Variants in ZIC1 observed in about 807,000 individuals in gnomAD.
ZIC1 encodes zinc finger protein ZIC 1.
Under a neutral mutation model 30.9 loss-of-function variants are expected in ZIC1, and 4 were observed. That is an observed-to-expected ratio of 0.13 (90% CI 0.06 to 0.30). The LOEUF (loss-of-function observed/expected upper bound fraction) is 0.30. Ranked by LOEUF, ZIC1 falls within the 10% of genes least tolerant of loss-of-function variation. The probability of loss-of-function intolerance (pLI) is 1.00; values close to 1 mark genes in which losing one functional copy is unlikely to be tolerated. For missense variants in ZIC1, 441 were observed against 639.3 expected (o/e 0.69, Z 3.34); for synonymous variants, 305 against 277.5 (o/e 1.10, Z -0.98).
Position 147,415,990 on chromosome 3 carries a change from C to CAAT in ZIC1, c.*2444_*2446dup, listed in dbSNP as rs2087430725. On this transcript the variant is annotated 3_prime_UTR_variant, in exon 3 of 3. Transcript: ENST00000282928. Reference sequence around the variant, plus strand: ...TTAAAAAATGTTATTCTGATTATAACAATAATATTGGCTTTTTTCATGAAA... The same window carrying CAAT: ...TTAAAAAATGTTATTCTGATTATAACAATAATAATATTGGCTTTTTTCATGAAA... 6.6e-6 allele frequency: 1 copy of CAAT among 152,166 alleles called. No homozygotes were observed. 9.4% of individuals were successfully genotyped at this position (152,166 alleles called of 1,614,324 possible).
At position 147,414,817 on chromosome 3, in the gene ZIC1, A is replaced by C. The variant is rs919277680; in HGVS notation, c.*1266A>C. 3 of 152,626 alleles carry C rather than the reference A, an allele frequency of 2.0e-5. No individual in the cohort carries two copies. Among genetic ancestry groups the C allele is most frequent in the African/African-American group, 7.2e-5 (3 of 41,446 alleles). The allele number at this position is 152,626 out of a possible 1,614,324, so 9.5% of individuals were successfully genotyped here. On this transcript the variant is annotated 3_prime_UTR_variant, in exon 3 of 3. Transcript: ENST00000282928. ...TGACCTTTGCAGATGTAGAATAACA[A>C]CCATAAAAATAACAGGAATAGATTG...
Position 147,409,945 on chromosome 3 carries a change from A to G in ZIC1, c.-168A>G. On this transcript the variant is annotated 5_prime_UTR_variant, in exon 1 of 3. Transcript: ENST00000282928. ...GGCCAGCGCCCGGGCGCGCCGCGCC[A>G]TTGCCTGCAGGCTAGGACTTCGCGA... 2 of 709,912 alleles carry G rather than the reference A, an allele frequency of 2.8e-6. No individual in the cohort carries two copies. The highest frequency in any genetic ancestry group is 1.9e-5 in the African/African-American group (1 of 52,666). 44.0% of individuals were successfully genotyped at this position (709,912 alleles called of 1,614,324 possible). A position where few individuals can be genotyped will look rare whatever the true frequency, so the allele number is the denominator to read the frequency against.
intron 2 of ZIC1, 122 bp downstream of exon 2, chr3:147,412,803 T>G (rs1576470537): frequency 1.6e-6 from 2 of 1,259,858 alleles, no homozygotes; most frequent in Non-Finnish European, 2.2e-6. Context: ...AAGGCAAAGG[T>G]TCCACTCAGT....
At chr3:147,411,164 C>G in intron 1 of ZIC1, 70 bp downstream of exon 1, 1 of 1,535,596 alleles carries the variant, frequency 6.5e-7, no homozygotes, top group Non-Finnish European at 8.7e-7. Flanking sequence ...AAGTCAGCGG[C>G]CAGGTCGCAC....
rs1048143580 is a variant in ZIC1 at position 147,413,555 on chromosome 3, C to T, written c.*4C>T. ...TTTTAACGAATGGTACGTTTAAAAT[C>T]AGAAACAAAACATCGAACAAAACCC... On this transcript the variant is annotated 3_prime_UTR_variant, in exon 3 of 3. Transcript: ENST00000282928. 6.2e-7 allele frequency: 1 copy of T among 1,613,700 alleles called. No individual in the cohort carries two copies. Among genetic ancestry groups the T allele is most frequent in the African/African-American group, 1.3e-5 (1 of 74,884 alleles).
In ZIC1 at chr3:147,413,795, G is replaced by A. The variant is rs976514604; in HGVS notation, c.*244G>A. 7.6e-6 allele frequency: 3 copies of A among 392,212 alleles called. No homozygotes were observed. The highest frequency in any genetic ancestry group is 1.3e-5 in the Non-Finnish European group (3 of 231,958). The allele number at this position is 392,212 out of a possible 1,614,324, so 24.3% of individuals were successfully genotyped here. ...AGGCTTGGTACCCAAGGTGCGGTAG[G>A]GGGTCGAGGGGGAGGAGGCCACCTG... On this transcript the variant is annotated 3_prime_UTR_variant, in exon 3 of 3. Transcript: ENST00000282928.
At position 147,409,806 on chromosome 3, in the gene ZIC1, G is replaced by A. The variant is rs1333054013; in HGVS notation, c.-307G>A. The A allele has an allele frequency of 2.4e-6, 1 of 418,862 alleles. No individual in the cohort carries two copies. The highest frequency in any genetic ancestry group is 4.2e-6 in the Non-Finnish European group (1 of 236,016). The allele number at this position is 418,862 out of a possible 1,614,324, so 25.9% of individuals were successfully genotyped here. ...GGCAGCCTTGACGCGCGGCCCTCTC[G>A]GCAGAGACTGAGCGGCGAGAAAGTG... On this transcript the variant is annotated 5_prime_UTR_variant, in exon 1 of 3. Coordinates refer to ENST00000282928, the MANE Select transcript of ZIC1 (RefSeq NM_003412.4).
In ZIC1 at chr3:147,410,315, C is replaced by T; in HGVS notation, c.203C>T (p.Ala68Val). 1 of 1,599,396 alleles carries T rather than the reference C, an allele frequency of 6.3e-7. No homozygotes were observed. ...GGCCAGACGGCCTTCACGTCGCAGG[C>T]GCCAGGCTACGCGGCTGCTGCGGCC... ...SAGQTAFTSQ[A>V]PGYAAAAALG... is the part of the protein sequence containing the mutation. The change falls in exon 1 of 3, where the codon GCG becomes GTG. Residue 68 changes from alanine to valine, a missense_variant. Coordinates refer to ENST00000282928, the MANE Select transcript of ZIC1 (RefSeq NM_003412.4).
chr3:147,411,722 G>A (rs769702679), intron 1 of ZIC1, among the ~76,000 whole-genome samples: 4 of 152,056 alleles, frequency 2.6e-5, no homozygotes, highest in Non-Finnish European at 4.4e-5. Context: ...GTCCGAGGAA[G>A]GCAAGGAAGA....
At position 147,413,651 on chromosome 3, in the gene ZIC1, A is replaced by C; in HGVS notation, c.*100A>C. On this transcript the variant is annotated 3_prime_UTR_variant, in exon 3 of 3. Transcript: ENST00000282928. ...AACCCTGCGAATCAAAACAACCCCC[A>C]CACAGACCCCGCAATCCTTTTTTAA... The C allele has an allele frequency of 7.4e-7, 1 of 1,344,974 alleles. No individual in the cohort carries two copies. Among genetic ancestry groups the C allele is most frequent in the Non-Finnish European group, 1.0e-6 (1 of 993,420 alleles). The allele number at this position is 1,344,974 out of a possible 1,614,324, so 83.3% of individuals were successfully genotyped here.
rs1159508113 is a variant in ZIC1 at position 147,416,612 on chromosome 3, T to C, written c.*3061T>C. ...ATATTTCAAATATCTGTTTAGACTGTGAAGGCCAAATAATTTTTAAGAAAA... is the reference window on the plus strand; with the variant it reads ...ATATTTCAAATATCTGTTTAGACTGCGAAGGCCAAATAATTTTTAAGAAAA... On this transcript the variant is annotated 3_prime_UTR_variant, in exon 3 of 3. Coordinates refer to ENST00000282928, the MANE Select transcript of ZIC1 (RefSeq NM_003412.4). The C allele has an allele frequency of 1.3e-5, 2 of 152,204 alleles. No homozygotes were observed. The highest frequency in any genetic ancestry group is 4.8e-5 in the African/African-American group (2 of 41,448). 9.4% of individuals were successfully genotyped at this position (152,204 alleles called of 1,614,324 possible).
chr3:147,413,341 T>C lies in ZIC1; in HGVS notation c.1147-13T>C, dbSNP rs769560273. ...CTCTTTATGTCCGTAAAAACGCGAC[T>C]TTATTCCTGCAGGTCCACGAATCCT... is the stretch of plus-strand genomic sequence containing the variant. On this transcript the variant is annotated splice_polypyrimidine_tract_variant and intron_variant, in intron 2 of 2. Coordinates refer to ENST00000282928, the MANE Select transcript of ZIC1 (RefSeq NM_003412.4). 5 of 1,610,056 alleles carry C rather than the reference T, an allele frequency of 3.1e-6. No homozygotes were observed. Among genetic ancestry groups the C allele is most frequent in the Non-Finnish European group, 4.2e-6 (5 of 1,177,198 alleles).
rs746422251 is a variant in ZIC1, at chr3:147,410,102, G to C, written c.-11G>C. On this transcript the variant is annotated 5_prime_UTR_variant, in exon 1 of 3. Coordinates refer to ENST00000282928, the MANE Select transcript of ZIC1 (RefSeq NM_003412.4). ...GGCGGGGGAGGCCGGGGCTCGCCCC[G>C]AGCAGCCACGATGCTCCTGGACGCC... 5 of 1,497,806 alleles carry C rather than the reference G, an allele frequency of 3.3e-6. No individual in the cohort carries two copies. Among genetic ancestry groups the C allele is most frequent in the Non-Finnish European group, 4.4e-6 (5 of 1,133,922 alleles). 92.8% of individuals were successfully genotyped at this position (1,497,806 alleles called of 1,614,324 possible).
At position 147,411,447 on chromosome 3, in the gene ZIC1, C is replaced by T. The variant is rs576597057; in HGVS notation, c.982+353C>T. ...GCCGCGGAGGCGCCAGCTGCTCAGG[C>T]TGCAGACAAATCTAAACCCTTGCTT... On this transcript the variant is annotated intron_variant, in intron 1 of 2. Coordinates refer to ENST00000282928, the MANE Select transcript of ZIC1 (RefSeq NM_003412.4). 2.6e-5 allele frequency among the ~76,000 whole-genome samples: 4 copies of T among 152,334 alleles called. No individual in the cohort carries two copies. In the East Asian group the frequency reaches 7.7e-4, roughly 29 times the overall value.
chr3:147,412,488 T>C (rs1576470406), intron 1 of ZIC1, 30 bp from the exon 2 acceptor site: 1 of 1,610,450 alleles, frequency 6.2e-7, no homozygotes. Context: ...TTTTTCTAAT[T>C]AGACCCCTCT....
Position 147,416,258 on chromosome 3 carries a change from C to T in ZIC1, c.*2707C>T, listed in dbSNP as rs2087433132. 6.6e-6 allele frequency: 1 copy of T among 152,216 alleles called. No homozygotes were observed. The highest frequency in any genetic ancestry group is 1.5e-5 in the Non-Finnish European group (1 of 68,030). The allele number at this position is 152,216 out of a possible 1,614,324, so 9.4% of individuals were successfully genotyped here. On this transcript the variant is annotated 3_prime_UTR_variant, in exon 3 of 3. Transcript: ENST00000282928. ...AAAGATAACACCACAATTAATAATC[C>T]TTCCCACTTTCATTGAGATCAGCTT... is the stretch of plus-strand genomic sequence containing the variant.
At position 147,410,977 on chromosome 3, in the gene ZIC1, C is replaced by G. The variant is rs1344004678; in HGVS notation, c.865C>G (p.Leu289Val). The change falls in exon 1 of 3, where the codon CTG becomes GTG. Residue 289 changes from leucine to valine, a missense_variant. Transcript: ENST00000282928. ...EGKPFKAKYK[L>V]VNHIRVHTGE... Reference sequence around the variant, plus strand: ...CAAGCCCTTCAAAGCCAAATACAAACTGGTTAACCACATCCGCGTGCACAC... The same window carrying G: ...CAAGCCCTTCAAAGCCAAATACAAAGTGGTTAACCACATCCGCGTGCACAC... The G allele has an allele frequency of 1.8e-5, 29 of 1,614,148 alleles. 1 individual carries two copies. In the Admixed American group the frequency reaches 4.7e-4, roughly 26 times the overall value.
At position 147,410,201 on chromosome 3, in the gene ZIC1, A is replaced by G; in HGVS notation, c.89A>G (p.Glu30Gly). 2 of 1,601,274 alleles carry G rather than the reference A, an allele frequency of 1.2e-6. No individual in the cohort carries two copies. Among genetic ancestry groups the G allele is most frequent in the Non-Finnish European group, 1.7e-6 (2 of 1,179,470 alleles). ...SRHHSAGDVA[E>G]RDVGLGINPF... is the part of the protein sequence containing the mutation. ...CACCACTCCGCGGGCGACGTGGCCG[A>G]ACGAGACGTGGGCCTGGGCATCAAC... The change falls in exon 1 of 3, where the codon GAA (glutamate) becomes GGA (glycine). Residue 30 changes from glutamate to glycine, a missense_variant. Physicochemically the swap from Glu to Gly is moderately conservative, Grantham distance 98 (BLOSUM62 -2). Coordinates refer to ENST00000282928, the MANE Select transcript of ZIC1 (RefSeq NM_003412.4).
Position 147,413,738 on chromosome 3 carries a change from T to C in ZIC1, c.*187T>C. The C allele has an allele frequency of 3.0e-6, 2 of 670,330 alleles. No individual in the cohort carries two copies. Among genetic ancestry groups the C allele is most frequent in the Non-Finnish European group, 2.2e-6 (1 of 452,964 alleles). The allele number at this position is 670,330 out of a possible 1,614,324, so 41.5% of individuals were successfully genotyped here. A position where few individuals can be genotyped will look rare whatever the true frequency, so the allele number is the denominator to read the frequency against. The stretch of plus-strand genomic sequence containing the variant: ...AAGCATCAACCTTTTAAAAATTTCC[T>C]TTCGCTTTCATTATTTTTCTTTTTT... On this transcript the variant is annotated 3_prime_UTR_variant, in exon 3 of 3. Coordinates refer to ENST00000282928, the MANE Select transcript of ZIC1 (RefSeq NM_003412.4).
Sources: gnomAD v4.1 joint callset for allele counts (sites outside exome capture counted in the v4.1 genomes callset) on GRCh38, gnomAD v4.1.1 for gene constraint, MANE v1.5 for transcripts, NCBI Gene and HGNC (gene_info 2026-07-23, HGNC 2026-07-21) for gene names.